Variants in SHTN1 observed in about 807,000 individuals in gnomAD.
SHTN1 encodes the protein shootin-1.
A neutral mutation model predicts 83.1 loss-of-function variants in SHTN1; 42 were observed. The ratio of observed to expected loss-of-function variants is 0.51; its 90% CI spans 0.39 to 0.65. The LOEUF is 0.65. Among genes scored for constraint, SHTN1 ranks in the 30% least tolerant of loss-of-function variants. The pLI, the probability that SHTN1 is intolerant of heterozygous loss-of-function variation, is 0.00. For synonymous variants in SHTN1, 224 were observed against 247.7 expected, an observed-to-expected ratio of 0.90 and a Z score of 0.90; for missense variants, 622 against 737.8, an observed-to-expected ratio of 0.84 and a Z score of 1.82.
chr10:117,030,228 T>C (rs939489052), intron 2 of SHTN1, among the ~76,000 whole-genome samples: 4 of 152,138 alleles, frequency 2.6e-5, no homozygotes, highest in Admixed American at 6.5e-5. Context: ...TTTATAGCAA[T>C]GTGAGAATGA....
intron 1 of SHTN1, among the ~76,000 whole-genome samples, chr10:117,092,800 A>G (rs2133621589): frequency 6.6e-6 from 1 of 152,246 alleles, no homozygotes; most frequent in East Asian, 1.9e-4. Flanking sequence ...TGAGGGGGAG[A>G]TAAGGGAGAG....
At chr10:116,975,502 T>A (rs570551231) in intron 2 of SHTN1, among the ~76,000 whole-genome samples, 1 of 152,266 alleles carries the variant, frequency 6.6e-6, no homozygotes, top group South Asian at 2.1e-4. Context: ...GAGGTCCTCA[T>A]TAGAGTGGTT....
chr10:117,031,596 AAG>A (rs1564936100), intron 2 of SHTN1, among the ~76,000 whole-genome samples: 3 of 152,184 alleles, frequency 2.0e-5, no homozygotes, highest in Admixed American at 2.0e-4. Context: ...AAAAGTTTAA[AAG>A]AGGGGGATAG....
At chr10:117,004,602 C>G (rs1303602025) in intron 1 of SHTN1, among the ~76,000 whole-genome samples, 1 of 152,198 alleles carries the variant, frequency 6.6e-6, no homozygotes, top group African/African-American at 2.4e-5. Context: ...GCCCTACAGG[C>G]CACCCAGCGC....
intron 2 of SHTN1, among the ~76,000 whole-genome samples, chr10:117,036,830 C>T (rs1167198766): frequency 6.6e-6 from 1 of 151,858 alleles, no homozygotes; most frequent in East Asian, 1.9e-4. Context: ...GGATGGATAC[C>T]CCATGTTACA....
chr10:117,074,786 G>A (rs951696130), intron 1 of SHTN1, among the ~76,000 whole-genome samples: 1 of 152,178 alleles, frequency 6.6e-6, no homozygotes, highest in Non-Finnish European at 1.5e-5. Context: ...ACAGACAAAA[G>A]AAGTCCAGGG....
In SHTN1 at chr10:117,005,175, G is replaced by T. The variant is rs1030189789; in HGVS notation, c.-96C>A. 1 of 1,541,974 alleles carries T rather than the reference G, an allele frequency of 6.5e-7. No homozygotes were observed. ...AAAAGCAAGATGCCGGTGGCTTGCGGCTCCACTACCCGGAAGTTGGATCCG... is the reference window on the plus strand; with the variant it reads ...AAAAGCAAGATGCCGGTGGCTTGCGTCTCCACTACCCGGAAGTTGGATCCG... On this transcript the variant is annotated 5_prime_UTR_variant, in exon 1 of 17. Transcript: ENST00000355371.
In SHTN1 at chr10:116,904,884, T is replaced by C. The variant is rs372911147; in HGVS notation, c.1480+1743A>G. On this transcript the variant is annotated intron_variant, in intron 15 of 16. Coordinates refer to ENST00000355371, the MANE Select transcript of SHTN1 (RefSeq NM_001127211.3). ...AAATGTGAACGACAGAGCACTAAAA[T>C]GGCACATCAACAAAGTCCTTAAAAA... is the stretch of plus-strand genomic sequence containing the variant. Among the ~76,000 whole-genome samples the C allele has an allele frequency of 1.5e-3, 229 of 152,288 alleles. 4 individuals carry two copies. The South Asian group carries it at 0.045, about 30-fold the overall frequency.
chr10:116,962,846 A>G (rs948898971), intron 3 of SHTN1, among the ~76,000 whole-genome samples: 6 of 152,002 alleles, frequency 3.9e-5, no homozygotes, highest in African/African-American at 1.4e-4. Flanking sequence ...AAATTATTCC[A>G]GTGCTAAACT....
intron 1 of SHTN1, among the ~76,000 whole-genome samples, chr10:117,114,753 G>T (rs767340995): frequency 9.2e-5 from 14 of 152,158 alleles, no homozygotes; most frequent in Admixed American, 4.6e-4. Flanking sequence ...TTTAGTACCT[G>T]GTCCTTGAAG....
chr10:116,943,516 C>T (rs1483482195), intron 8 of SHTN1, among the ~76,000 whole-genome samples: 1 of 152,138 alleles, frequency 6.6e-6, no homozygotes, highest in Non-Finnish European at 1.5e-5. Flanking sequence ...CCAACGTTTT[C>T]CAGAGAGCTC....
At chr10:116,980,766 C>T (rs971278847) in intron 1 of SHTN1, among the ~76,000 whole-genome samples, 1 of 152,160 alleles carries the variant, frequency 6.6e-6, no homozygotes, top group Non-Finnish European at 1.5e-5. Flanking sequence ...TGGTAAAGCA[C>T]ATGCCTTGTT....
At chr10:116,983,727 C>T (rs1851130561) in intron 1 of SHTN1, among the ~76,000 whole-genome samples, 2 of 151,198 alleles carry the variant, frequency 1.3e-5, no homozygotes, top group Non-Finnish European at 2.9e-5. Flanking sequence ...TACATACATG[C>T]ATATACACAC....
chr10:116,933,634 G>A (rs1240297793), intron 9 of SHTN1, among the ~76,000 whole-genome samples: 2 of 152,144 alleles, frequency 1.3e-5, no homozygotes, highest in Non-Finnish European at 2.9e-5. Context: ...ACATATGTGT[G>A]TGTGTGTCTT....
intron 1 of SHTN1, among the ~76,000 whole-genome samples, chr10:117,096,305 A>G (rs1815593577): frequency 6.6e-6 from 1 of 152,204 alleles, no homozygotes. Flanking sequence ...TGCCCCAAAC[A>G]AAGATTTTGT....
In SHTN1 at chr10:116,886,196, G is replaced by C; in HGVS notation, c.*148C>G. Reference sequence around the variant, plus strand: ...AAACAGCTTACTTATGTTTATAGTTGCTACTTACAAAAGTGACACCAGAAA... The same window carrying C: ...AAACAGCTTACTTATGTTTATAGTTCCTACTTACAAAAGTGACACCAGAAA... On this transcript the variant is annotated 3_prime_UTR_variant, in exon 17 of 17. Transcript: ENST00000355371. 9.0e-7 allele frequency: 1 copy of C among 1,109,614 alleles called. No individual in the cohort carries two copies. The highest frequency in any genetic ancestry group is 1.3e-6 in the Non-Finnish European group (1 of 793,194). 68.7% of individuals were successfully genotyped at this position (1,109,614 alleles called of 1,614,324 possible).
At position 116,881,735 on chromosome 10, in the gene SHTN1, G is replaced by C; in HGVS notation, c.*4609C>G. 1.6e-6 allele frequency: 2 copies of C among 1,235,128 alleles called. No individual in the cohort carries two copies. Among genetic ancestry groups the C allele is most frequent in the East Asian group, 6.1e-5 (2 of 32,744 alleles). The allele number at this position is 1,235,128 out of a possible 1,614,324, so 76.5% of individuals were successfully genotyped here. The stretch of plus-strand genomic sequence containing the variant: ...AGTAGACCGGGAGGTCTGAAGTACG[G>C]CGCCGTGTCTCCACATGGAGTTTCC... On this transcript the variant is annotated 3_prime_UTR_variant, in exon 17 of 17. Transcript: ENST00000355371.
chr10:116,914,749 AG>A (rs1848322376), intron 13 of SHTN1, among the ~76,000 whole-genome samples: 1 of 152,204 alleles, frequency 6.6e-6, no homozygotes, highest in Non-Finnish European at 1.5e-5. Flanking sequence ...AAACAAAGGC[AG>A]GGGAGAGATC....
At chr10:117,032,062 T>A (rs202104502) in intron 2 of SHTN1, among the ~76,000 whole-genome samples, 2 of 137,104 alleles carry the variant, frequency 1.5e-5, no homozygotes, top group African/African-American at 5.4e-5. Context: ...TTAAAAAAAA[T>A]TCCATCCAAA....
Sources: allele counts gnomAD v4.1 joint callset (sites outside exome capture counted in the v4.1 genomes callset), GRCh38; gene constraint gnomAD v4.1.1; transcripts MANE v1.5; gene names NCBI Gene and HGNC (gene_info 2026-07-23, HGNC 2026-07-21).